The following NUP210L variants were observed in gnomAD, a reference collection of about 807,000 sequenced individuals.
NUP210L encodes the protein nuclear pore membrane glycoprotein 210-like.
A neutral mutation model predicts 208.5 loss-of-function variants in NUP210L; 74 were observed. The ratio of observed to expected loss-of-function variants is 0.35; its 90% confidence interval spans 0.29 to 0.43. NUP210L has a LOEUF of 0.43. Among genes scored for constraint, NUP210L ranks in the 20% least tolerant of loss-of-function variants. The pLI, the probability that NUP210L is intolerant of heterozygous loss-of-function variation, is 1.00. For missense variants in NUP210L, 1,843 were observed against 2,289.4 expected, an observed-to-expected ratio of 0.81 and a Z score of 3.98; for synonymous variants, 780 against 816.9, an observed-to-expected ratio of 0.95 and a Z score of 0.77.
intron 38 of NUP210L, among the ~76,000 whole-genome samples, chr1:153,993,648 C>G (rs907655222): frequency 1.3e-5 from 2 of 150,438 alleles, no homozygotes; most frequent in Non-Finnish European, 2.9e-5. Flanking sequence ...TGTGGTGGCT[C>G]ACGCCTGTAA....
chr1:154,051,105 T>C (rs1027408005), intron 25 of NUP210L, among the ~76,000 whole-genome samples: 2 of 152,222 alleles, frequency 1.3e-5, no homozygotes, highest in Non-Finnish European at 2.9e-5. Flanking sequence ...GCACCCTTTT[T>C]ACATCACTCA....
At chr1:154,140,210 GC>G (rs1170840950) in intron 4 of NUP210L, among the ~76,000 whole-genome samples, 2 of 151,786 alleles carry the variant, frequency 1.3e-5, no homozygotes, top group East Asian at 3.9e-4. Flanking sequence ...AATTAGCCGG[GC>G]GTGGTGGCAT....
intron 37 of NUP210L, among the ~76,000 whole-genome samples, chr1:153,998,208 C>T (rs990611279): frequency 2.0e-5 from 3 of 151,952 alleles, no homozygotes; most frequent in African/African-American, 7.3e-5. Context: ...TGGTTTGCTG[C>T]CTATATTAAT....
chr1:154,143,304 AT>A (rs1377668137), intron 3 of NUP210L, 141 bp downstream of exon 3: 2 of 604,872 alleles, frequency 3.3e-6, no homozygotes, highest in African/African-American at 3.7e-5. Flanking sequence ...CAGAATTATT[AT>A]TCATCTATGA....
intron 33 of NUP210L, among the ~76,000 whole-genome samples, chr1:154,018,526 TTA>T (rs1458138897): frequency 3.3e-5 from 5 of 152,202 alleles, no homozygotes; most frequent in Admixed American, 3.3e-4. Flanking sequence ...CTGGATTTTC[TTA>T]TGTTCTAGAT....
At chr1:154,076,265 G>A (rs1032496773) in intron 16 of NUP210L, among the ~76,000 whole-genome samples, 25 of 151,678 alleles carry the variant, frequency 1.6e-4, no homozygotes, top group Non-Finnish European at 3.2e-4. Context: ...CACCACGCCC[G>A]GCTAATTTTT....
chr1:154,126,457 T>A, exon 10 of NUP210L: 3 of 1,607,162 alleles, frequency 1.9e-6, no homozygotes, highest in Non-Finnish European at 2.5e-6. Flanking sequence ...TATGTAATCC[T>A]GAGATTCTGA....
chr1:154,143,615 G>C (rs780948043), intron 2 of NUP210L, 38 bp from the exon 3 acceptor site: 127 of 1,561,964 alleles, frequency 8.1e-5, no homozygotes, highest in Non-Finnish European at 1.1e-4. Flanking sequence ...TAATTCAATA[G>C]GTCATGAATC....
rs778638137 is a variant in NUP210L, at chr1:153,992,793, C to T, written c.*42G>A. 3.7e-6 allele frequency: 5 copies of T among 1,350,670 alleles called. No individual in the cohort carries two copies. In the Admixed American group the frequency reaches 1.1e-4, roughly 30 times the overall value. The allele number at this position is 1,350,670 out of a possible 1,614,324, so 83.7% of individuals were successfully genotyped here. ...AGGCTTCTTGTCGAGGACTAGAAAT[C>T]TTCATTCCCCTGCAGTTAAGAGAAA... On this transcript the variant is annotated 3_prime_UTR_variant, in exon 40 of 40. Transcript: ENST00000368559.
intron 33 of NUP210L, 147 bp downstream of exon 33, chr1:154,018,786 G>A (rs530527978): frequency 2.4e-6 from 2 of 838,728 alleles, no homozygotes; most frequent in Admixed American, 2.5e-5. Context: ...ACACTGTTTA[G>A]CTTTGTGTTC....
chr1:154,143,639 A>C, intron 2 of NUP210L, 62 bp from the exon 3 acceptor site: 1 of 1,394,228 alleles, frequency 7.2e-7, no homozygotes, highest in Non-Finnish European at 1.0e-6. Context: ...TAAATGTCTC[A>C]AATACTCAAA....
At chr1:154,103,821 C>T (rs1656609857) in intron 13 of NUP210L, among the ~76,000 whole-genome samples, 191 bp downstream of exon 13, 1 of 151,572 alleles carries the variant, frequency 6.6e-6, no homozygotes, top group African/African-American at 2.4e-5. Context: ...AGGAGTATAA[C>T]ACTTACTACA....
chr1:154,041,042 G>A (rs1652846524), intron 27 of NUP210L, among the ~76,000 whole-genome samples: 1 of 152,038 alleles, frequency 6.6e-6, no homozygotes, highest in Non-Finnish European at 1.5e-5. Context: ...GCAGCTTACT[G>A]CAAACTCAAC....
At chr1:154,044,162 T>C (rs1653045928) in intron 27 of NUP210L, among the ~76,000 whole-genome samples, 1 of 151,760 alleles carries the variant, frequency 6.6e-6, no homozygotes, top group Non-Finnish European at 1.5e-5. Flanking sequence ...TCTCAGCACT[T>C]TGGGAGGCCG....
intron 13 of NUP210L, among the ~76,000 whole-genome samples, chr1:154,103,100 T>TAAA (rs909450147): frequency 3.3e-5 from 5 of 149,346 alleles, no homozygotes; most frequent in East Asian, 2.0e-4. Flanking sequence ...ATAATAATAA[T>TAAA]AAATAAAAAC....
intron 2 of NUP210L, among the ~76,000 whole-genome samples, chr1:154,145,414 T>C (rs1294123127): frequency 2.8e-4 from 43 of 151,080 alleles, no homozygotes; most frequent in Non-Finnish European, 1.5e-5. Flanking sequence ...CGAGATTCCG[T>C]CTACAAAAAA....
chr1:154,067,815 A>G (rs1654494363), intron 17 of NUP210L, among the ~76,000 whole-genome samples: 2 of 152,304 alleles, frequency 1.3e-5, no homozygotes, highest in South Asian at 2.1e-4. Context: ...ACAAACAGAG[A>G]GCCAAATCAT....
chr1:154,099,288 C>T (rs1288414562), intron 14 of NUP210L, among the ~76,000 whole-genome samples: 1 of 152,110 alleles, frequency 6.6e-6, no homozygotes, highest in Non-Finnish European at 1.5e-5. Flanking sequence ...ATGACTTGGG[C>T]AGCCAAAGCT....
intron 28 of NUP210L, among the ~76,000 whole-genome samples, chr1:154,029,446 G>A (rs1294497997): frequency 4.7e-5 from 7 of 149,680 alleles, no homozygotes; most frequent in Non-Finnish European, 1.0e-4. Context: ...GCTCACGCCT[G>A]TAATCCCAGC....
Sources: allele counts gnomAD v4.1 joint callset (sites outside exome capture counted in the v4.1 genomes callset), GRCh38; gene constraint gnomAD v4.1.1; transcripts MANE v1.5; gene names NCBI Gene and HGNC (gene_info 2026-07-23, HGNC 2026-07-21).